SLCO6A1: variants seen among roughly 807,000 people sequenced by gnomAD.
SLCO6A1 encodes the protein solute carrier organic anion transporter family member 6A1.
SLCO6A1 carries 65 observed loss-of-function variants against 72.7 expected under a neutral mutation model. The observed-to-expected ratio is 0.89, with a 90% CI of 0.73 to 1.10. The LOEUF (loss-of-function observed/expected upper bound fraction) is 1.10. Ranked by LOEUF, SLCO6A1 falls within the 50% of genes least tolerant of loss-of-function variation. The pLI, the probability that SLCO6A1 is intolerant of heterozygous loss-of-function variation, is 0.00. For synonymous variants in SLCO6A1, 314 were observed against 298.2 expected, an observed-to-expected ratio of 1.05 and a Z score of -0.55; for missense variants, 874 against 872.6, an observed-to-expected ratio of 1.00 and a Z score of -0.02.
intron 6 of SLCO6A1, among the ~76,000 whole-genome samples, chr5:102,447,214 C>G (rs1048515719): frequency 2.0e-5 from 3 of 152,146 alleles, no homozygotes; most frequent in Non-Finnish European, 2.9e-5. Flanking sequence ...GAAATAAAAG[C>G]CTACTCAATT....
chr5:102,392,567 T>C (rs963409309), intron 10 of SLCO6A1, among the ~76,000 whole-genome samples: 48 of 152,028 alleles, frequency 3.2e-4, no homozygotes, highest in African/African-American at 1.2e-3. Context: ...CTTTCTAACA[T>C]ACAAAACAAG....
At chr5:102,441,722 T>C (rs1749843566) in intron 6 of SLCO6A1, among the ~76,000 whole-genome samples, 1 of 152,080 alleles carries the variant, frequency 6.6e-6, no homozygotes, top group African/African-American at 2.4e-5. Context: ...TTTAATAATG[T>C]TGCATAAAGT....
chr5:102,462,512 C>T (rs1156683256), intron 4 of SLCO6A1, among the ~76,000 whole-genome samples: 1 of 152,166 alleles, frequency 6.6e-6, no homozygotes. Context: ...GTCAGCAAAG[C>T]AGCATGCTAC....
intron 12 of SLCO6A1, among the ~76,000 whole-genome samples, chr5:102,386,092 A>T (rs1054490279): frequency 3.3e-5 from 5 of 152,174 alleles, no homozygotes; most frequent in African/African-American, 1.2e-4. Context: ...CTTTTGAAGA[A>T]GTAGACATTT....
At chr5:102,376,422 A>G (rs1745796441) in intron 12 of SLCO6A1, among the ~76,000 whole-genome samples, 1 of 152,138 alleles carries the variant, frequency 6.6e-6, no homozygotes, top group Non-Finnish European at 1.5e-5. Flanking sequence ...GATTTTAAGA[A>G]AAAGATCACC....
At chr5:102,386,476 T>C (rs1424288259) in intron 12 of SLCO6A1, among the ~76,000 whole-genome samples, 1 of 152,084 alleles carries the variant, frequency 6.6e-6, no homozygotes, top group African/African-American at 2.4e-5. Flanking sequence ...GCCTGGACCT[T>C]ACGTCCATTG....
At chr5:102,434,023 C>T (rs1326319487) in intron 7 of SLCO6A1, among the ~76,000 whole-genome samples, 2 of 151,840 alleles carry the variant, frequency 1.3e-5, no homozygotes, top group Non-Finnish European at 2.9e-5. Context: ...TAAGGAGTGC[C>T]TCTTGTTAGT....
At chr5:102,479,566 T>C (rs1050731310) in intron 2 of SLCO6A1, among the ~76,000 whole-genome samples, 3 of 152,116 alleles carry the variant, frequency 2.0e-5, no homozygotes, top group South Asian at 4.1e-4. Context: ...CATCAGGGTA[T>C]ATAATCCATT....
rs1366418454 is a variant in SLCO6A1, at chr5:102,498,975, C to T, written c.-131G>A. 11 of 852,772 alleles carry T rather than the reference C, an allele frequency of 1.3e-5. No homozygotes were observed. In the Admixed American group the frequency reaches 1.7e-4, roughly 13 times the overall value. The allele number at this position is 852,772 out of a possible 1,614,324, so 52.8% of individuals were successfully genotyped here. A position where few individuals can be genotyped will look rare whatever the true frequency, so the allele number is the denominator to read the frequency against. ...GTGGCCACAAGGGGCTCTTGCCGCCCAAGCCTCCAGAGCGAACGTTTCTCC... is the reference window on the plus strand; with the variant it reads ...GTGGCCACAAGGGGCTCTTGCCGCCTAAGCCTCCAGAGCGAACGTTTCTCC... On this transcript the variant is annotated 5_prime_UTR_variant, in exon 1 of 14. Transcript: ENST00000506729.
chr5:102,382,162 G>A (rs1746145678), intron 12 of SLCO6A1, among the ~76,000 whole-genome samples: 1 of 151,518 alleles, frequency 6.6e-6, no homozygotes, highest in Non-Finnish European at 1.5e-5. Context: ...AATTCATTTT[G>A]AATTGATTTT....
At chr5:102,443,743 T>C (rs992520983) in intron 6 of SLCO6A1, among the ~76,000 whole-genome samples, 2 of 152,210 alleles carry the variant, frequency 1.3e-5, no homozygotes, top group Admixed American at 1.3e-4. Flanking sequence ...TACCCAGGAT[T>C]TTCTGCATTT....
intron 7 of SLCO6A1, among the ~76,000 whole-genome samples, chr5:102,436,498 G>T (rs899111609): frequency 6.6e-6 from 1 of 152,148 alleles, no homozygotes. Flanking sequence ...TGGACTCTGG[G>T]TATCAGAGAT....
intron 12 of SLCO6A1, among the ~76,000 whole-genome samples, chr5:102,373,911 T>C (rs999737140): frequency 2.6e-5 from 4 of 152,210 alleles, no homozygotes; most frequent in Non-Finnish European, 5.9e-5. Flanking sequence ...ATTTTGCAGG[T>C]TTTTTCATTT....
rs187146269 is a variant in SLCO6A1, at chr5:102,415,559, A to G, written c.1473-2416T>C. ...CTGTCACCATATACAAAAAGCACTCAACATGGATTAAAGACTTAAATATAA... is the reference window on the plus strand; with the variant it reads ...CTGTCACCATATACAAAAAGCACTCGACATGGATTAAAGACTTAAATATAA... On this transcript the variant is annotated intron_variant, in intron 8 of 13. Coordinates refer to ENST00000506729, the MANE Select transcript of SLCO6A1 (RefSeq NM_173488.5). 3.3e-5 allele frequency among the ~76,000 whole-genome samples: 5 copies of G among 152,280 alleles called. No homozygotes were observed. In the East Asian group the frequency reaches 9.6e-4, roughly 29 times the overall value.
chr5:102,455,898 T>A (rs1272303443), intron 6 of SLCO6A1, among the ~76,000 whole-genome samples: 1 of 152,172 alleles, frequency 6.6e-6, no homozygotes, highest in Non-Finnish European at 1.5e-5. Context: ...ATCAAAAAGC[T>A]TATCCACCAT....
intron 1 of SLCO6A1, among the ~76,000 whole-genome samples, chr5:102,482,284 CAT>C (rs1489484224): frequency 3.9e-5 from 6 of 152,130 alleles, no homozygotes; most frequent in Admixed American, 2.0e-4. Flanking sequence ...CATATATAAA[CAT>C]ATATACACGC....
chr5:102,388,938 C>A, intron 11 of SLCO6A1, 113 bp from the exon 12 acceptor site: 1 of 906,376 alleles, frequency 1.1e-6, no homozygotes, highest in Non-Finnish European at 1.6e-6. Context: ...AAACATATCA[C>A]TTAAAATTAG....
At chr5:102,415,711 C>A (rs1748245807) in intron 8 of SLCO6A1, among the ~76,000 whole-genome samples, 1 of 151,994 alleles carries the variant, frequency 6.6e-6, no homozygotes, top group South Asian at 2.1e-4. Context: ...ACAAATGGGA[C>A]TTAATTAAAC....
intron 11 of SLCO6A1, among the ~76,000 whole-genome samples, chr5:102,389,388 A>G (rs1746602331): frequency 6.8e-6 from 1 of 148,112 alleles, no homozygotes; most frequent in South Asian, 2.1e-4. Flanking sequence ...TCAGACAAAA[A>G]TCTCCACAGC....
Sources: allele counts gnomAD v4.1 joint callset (sites outside exome capture counted in the v4.1 genomes callset), GRCh38; gene constraint gnomAD v4.1.1; transcripts MANE v1.5; gene names NCBI Gene and HGNC (gene_info 2026-07-23, HGNC 2026-07-21).